OTOG: variants seen among roughly 807,000 people sequenced by gnomAD.
The protein encoded by OTOG is otogelin.
A neutral mutation model predicts 313.8 loss-of-function variants in OTOG; 296 were observed. The observed-to-expected ratio is 0.94, with a 90% CI of 0.86 to 1.04. The LOEUF is 1.04. Ranked by LOEUF, OTOG falls within the 50% of genes least tolerant of loss-of-function variation. The pLI is 0.00. For synonymous variants in OTOG, 1,533 were observed against 1,554.9 expected, an observed-to-expected ratio of 0.99 and a Z score of 0.33; for missense variants, 3,948 against 3,840.1, an observed-to-expected ratio of 1.03 and a Z score of -0.74.
intron 19 of OTOG, among the ~76,000 whole-genome samples, chr11:17,574,375 G>C (rs565617009): frequency 6.0e-4 from 91 of 152,246 alleles, no homozygotes; most frequent in Middle Eastern, 3.4e-3. Flanking sequence ...TGTGAGTTAC[G>C]GGGTGGGTGC....
Position 17,559,527 on chromosome 11 carries a change from T to C in OTOG, c.1214-7T>C. ...AGCTGAGAGACCATGGATCCCTCCT[T>C]CCCAAGCTGTGCACTGCAAGGAGAA... On this transcript the variant is annotated splice_region_variant and splice_polypyrimidine_tract_variant and intron_variant, in intron 11 of 55. Coordinates refer to ENST00000399397, the MANE Select transcript of OTOG (RefSeq NM_001292063.2). The C allele has an allele frequency of 6.4e-7, 1 of 1,550,518 alleles. No individual in the cohort carries two copies. Among genetic ancestry groups the C allele is most frequent in the South Asian group, 1.2e-5 (1 of 84,056 alleles).
At position 17,570,400 on chromosome 11, in the gene OTOG, C is replaced by T; in HGVS notation, c.1955+10C>T. On this transcript the variant is annotated intron_variant, in intron 17 of 55. Coordinates refer to ENST00000399397, the MANE Select transcript of OTOG (RefSeq NM_001292063.2). ...CGCAGGATGACTTCCTGTACGTAGC[C>T]CTGCCACGGAACCCGAAGAAGAGGG... 3 of 1,549,704 alleles carry T rather than the reference C, an allele frequency of 1.9e-6. No individual in the cohort carries two copies. In the South Asian group the frequency reaches 3.6e-5, roughly 18 times the overall value.
intron 31 of OTOG, among the ~76,000 whole-genome samples, chr11:17,600,243 A>G (rs1590032447): frequency 7.2e-6 from 1 of 139,350 alleles, no homozygotes; most frequent in South Asian, 2.6e-4. Context: ...GGGGAGGTTA[A>G]TGTCCAGTTT....
At chr11:17,557,383 T>C (rs1319088119) in intron 8 of OTOG, 60 bp downstream of exon 8, 2 of 1,474,304 alleles carry the variant, frequency 1.4e-6, no homozygotes, top group African/African-American at 2.8e-5. Context: ...CAGGTCAGGC[T>C]GGGAGGGGTT....
At chr11:17,560,576 G>T (rs1232007288) in intron 12 of OTOG, 133 bp from the exon 13 acceptor site, 1 of 672,470 alleles carries the variant, frequency 1.5e-6, no homozygotes, top group East Asian at 2.7e-5. Flanking sequence ...ATTTATAGAG[G>T]AGAAAGTTTG....
intron 23 of OTOG, among the ~76,000 whole-genome samples, chr11:17,581,856 A>G (rs546250412): frequency 1.3e-5 from 2 of 152,302 alleles, no homozygotes; most frequent in African/African-American, 4.8e-5. Flanking sequence ...CGCCCCCACC[A>G]GCATTGCTGT....
intron 7 of OTOG, 63 bp downstream of exon 7, chr11:17,555,960 G>A (rs1554968155): frequency 8.0e-7 from 1 of 1,256,998 alleles, no homozygotes. Flanking sequence ...GTGGATGGGT[G>A]AGCATCCGCT....
chr11:17,552,548 CCCCCA>C (rs1851960519), intron 4 of OTOG, among the ~76,000 whole-genome samples: 1 of 150,664 alleles, frequency 6.6e-6, no homozygotes, highest in African/African-American at 2.4e-5. Flanking sequence ...TGTCCTGTGT[CCCCCA>C]CCTGTCCTGT....
intron 39 of OTOG, among the ~76,000 whole-genome samples, chr11:17,617,146 G>A (rs1414020112): frequency 6.6e-6 from 1 of 152,004 alleles, no homozygotes; most frequent in Non-Finnish European, 1.5e-5. Flanking sequence ...TTATTAATTT[G>A]ATGAATTACA....
chr11:17,613,744 C>T (rs1274797297), intron 39 of OTOG, 43 bp downstream of exon 39: 1 of 1,506,902 alleles, frequency 6.6e-7, no homozygotes, highest in East Asian at 2.5e-5. Context: ...GGGCCACAGT[C>T]AGCTGAGGGA....
chr11:17,581,277 G>GTCAC (rs1401260421), intron 23 of OTOG, among the ~76,000 whole-genome samples: 1 of 152,152 alleles, frequency 6.6e-6, no homozygotes, highest in Non-Finnish European at 1.5e-5. Context: ...TCCTGCTGGG[G>GTCAC]TCACACCACT....
In OTOG at chr11:17,612,692, C is replaced by T; in HGVS notation, c.6365C>T (p.Ala2122Val). The T allele has an allele frequency of 6.4e-7, 1 of 1,550,578 alleles. No homozygotes were observed. Among genetic ancestry groups the T allele is most frequent in the East Asian group, 2.4e-5 (1 of 40,920 alleles). Residue 2122 changes from alanine to valine, a missense_variant, in exon 38 of 56, where the codon GCC becomes GTC. Physicochemically the swap from Ala to Val is moderately conservative, Grantham distance 64 (BLOSUM62 0). Coordinates refer to ENST00000399397, the MANE Select transcript of OTOG (RefSeq NM_001292063.2). The part of the protein sequence containing the change: ...DGSHVALFKE[A>V]IYILSQSPDE... ...AGCCACGTAGCTCTGTTCAAGGAGG[C>T]CATCTACATCCTCAGCCAGAGCCCA...
At chr11:17,631,107 C>T (rs1854110418) in intron 40 of OTOG, among the ~76,000 whole-genome samples, 1 of 152,076 alleles carries the variant, frequency 6.6e-6, no homozygotes, top group South Asian at 2.1e-4. Flanking sequence ...CACTCATATG[C>T]CATTGGCTGG....
At chr11:17,562,982 T>C (rs1356946490) in intron 15 of OTOG, among the ~76,000 whole-genome samples, 3 of 152,152 alleles carry the variant, frequency 2.0e-5, no homozygotes, top group Admixed American at 6.5e-5. Context: ...TGTGAGAACA[T>C]GGAGGGCACA....
chr11:17,579,878 A>G (rs1461166261), intron 23 of OTOG, among the ~76,000 whole-genome samples: 1 of 152,192 alleles, frequency 6.6e-6, no homozygotes, highest in Non-Finnish European at 1.5e-5. Context: ...AGTTTGGCCA[A>G]TGACCCATTG....
At chr11:17,581,991 A>G (rs914216723) in intron 23 of OTOG, among the ~76,000 whole-genome samples, 2 of 152,132 alleles carry the variant, frequency 1.3e-5, no homozygotes, top group Non-Finnish European at 1.5e-5. Flanking sequence ...ACCTTGTTGC[A>G]TCTATCAGTA....
At chr11:17,565,835 T>C (rs1852283470) in intron 15 of OTOG, among the ~76,000 whole-genome samples, 1 of 152,172 alleles carries the variant, frequency 6.6e-6, no homozygotes, top group African/African-American at 2.4e-5. Flanking sequence ...GTGGTGGGGC[T>C]TGAGTGTGTG....
intron 38 of OTOG, among the ~76,000 whole-genome samples, chr11:17,613,193 T>TC (rs1565118789): frequency 0.013 from 1,328 of 98,600 alleles, 19 homozygotes; most frequent in South Asian, 0.024. Context: ...TTTCTTTCTT[T>TC]CTTTTCTTTC....
rs1293506630 is a variant in OTOG, at chr11:17,553,250, G to T, written c.385+39G>T. 3 of 1,545,308 alleles carry T rather than the reference G, an allele frequency of 1.9e-6. No homozygotes were observed. In the South Asian group the frequency reaches 3.6e-5, roughly 18 times the overall value. Reference sequence around the variant, plus strand: ...CCACCCCACCCCCAGGAAGGGACCTGGGTGCAGGGAAAGCTAGGGAGAAAG... The same window carrying T: ...CCACCCCACCCCCAGGAAGGGACCTTGGTGCAGGGAAAGCTAGGGAGAAAG... On this transcript the variant is annotated intron_variant, in intron 5 of 55. Coordinates refer to ENST00000399397, the MANE Select transcript of OTOG (RefSeq NM_001292063.2).
Sources: allele counts gnomAD v4.1 joint callset (sites outside exome capture counted in the v4.1 genomes callset), GRCh38; gene constraint gnomAD v4.1.1; transcripts MANE v1.5; gene names NCBI Gene and HGNC (gene_info 2026-07-23, HGNC 2026-07-21).